Variants in NFYC observed in about 807,000 individuals in gnomAD.
NFYC encodes nuclear transcription factor Y subunit gamma.
Under a neutral mutation model 53.1 loss-of-function variants are expected in NFYC, and 25 were observed. That is an observed-to-expected ratio of 0.47 (90% confidence interval 0.34 to 0.66). The LOEUF (loss-of-function observed/expected upper bound fraction) is 0.66, where lower values mean the gene tolerates loss of function less well. Among genes scored for constraint, NFYC ranks in the 30% least tolerant of loss-of-function variants. NFYC has a pLI of 0.01. For missense variants in NFYC, 260 were observed against 422.7 expected, an observed-to-expected ratio of 0.62 and a Z score of 3.38; for synonymous variants, 145 against 152.6, an observed-to-expected ratio of 0.95 and a Z score of 0.37.
intron 2 of NFYC, among the ~76,000 whole-genome samples, chr1:40,739,418 G>T (rs190022875): frequency 6.6e-6 from 1 of 152,264 alleles, no homozygotes; most frequent in African/African-American, 2.4e-5. Context: ...TTTCTCAACA[G>T]CTGCATTATT....
rs1185897830 is a variant in NFYC, at chr1:40,771,069, T to C, written c.*241T>C. ...GGAATCAATATTTCAATATGTTGAG[T>C]GTGTGTCCAATGCTATGAAATTAAA... On this transcript the variant is annotated 3_prime_UTR_variant, in exon 10 of 10. Coordinates refer to ENST00000447388, the MANE Select transcript of NFYC (RefSeq NM_014223.5). 1 of 576,464 alleles carries C rather than the reference T, an allele frequency of 1.7e-6. No individual in the cohort carries two copies. Among genetic ancestry groups the C allele is most frequent in the Non-Finnish European group, 3.1e-6 (1 of 324,322 alleles). The allele number at this position is 576,464 out of a possible 1,614,324, so 35.7% of individuals were successfully genotyped here.
In NFYC at chr1:40,770,593, C is replaced by T. The variant is rs1647041763; in HGVS notation, c.889-116C>T. The T allele has an allele frequency of 6.2e-7, 1 of 1,613,098 alleles. No individual in the cohort carries two copies. The highest frequency in any genetic ancestry group is 2.2e-5 in the East Asian group (1 of 44,840). Reference sequence around the variant, plus strand: ...TCCACTTCCCCTCCTCCTTCTGACGCCTTGCAGTGGGTGGTGGTTGAGGTA... The same window carrying T: ...TCCACTTCCCCTCCTCCTTCTGACGTCTTGCAGTGGGTGGTGGTTGAGGTA... On this transcript the variant is annotated intron_variant, in intron 9 of 9. Coordinates refer to ENST00000447388, the MANE Select transcript of NFYC (RefSeq NM_014223.5). The surrounding 1 kb of genome is among the most constrained non-coding windows in gnomAD (Gnocchi z 5.3).
At chr1:40,701,872 A>G (rs1335834537) in intron 1 of NFYC, among the ~76,000 whole-genome samples, 5 of 152,234 alleles carry the variant, frequency 3.3e-5, no homozygotes, top group Admixed American at 6.5e-5. Flanking sequence ...ATGGAGTTGA[A>G]TAACTAGCAC....
At chr1:40,717,189 GC>G (rs1365116250) in intron 1 of NFYC, among the ~76,000 whole-genome samples, 1 of 152,160 alleles carries the variant, frequency 6.6e-6, no homozygotes, top group Admixed American at 6.5e-5. Context: ...GAAGACTAGT[GC>G]TACATGTCAA....
At chr1:40,730,461 G>A (rs954055754) in intron 1 of NFYC, 9 of 592,060 alleles carry the variant, frequency 1.5e-5, no homozygotes, top group African/African-American at 1.0e-4. Context: ...GGAGGCCCGA[G>A]GTGGGAATGG....
chr1:40,755,116 C>T (rs552368348), intron 5 of NFYC, among the ~76,000 whole-genome samples: 1 of 152,192 alleles, frequency 6.6e-6, no homozygotes, highest in Non-Finnish European at 1.5e-5. Context: ...TCTCCAAAAC[C>T]CACCCTTTCT....
intron 6 of NFYC, among the ~76,000 whole-genome samples, chr1:40,761,286 G>A (rs1456785365): frequency 6.6e-6 from 1 of 152,198 alleles, no homozygotes; most frequent in African/African-American, 2.4e-5. Context: ...GGATGGTGAA[G>A]TTGGTCCTTC....
At chr1:40,698,370 A>C (rs1290916785) in intron 1 of NFYC, among the ~76,000 whole-genome samples, 1 of 151,956 alleles carries the variant, frequency 6.6e-6, no homozygotes, top group Non-Finnish European at 1.5e-5. Context: ...TTTGAAAAAA[A>C]AAAAAAAATT....
At position 40,691,805 on chromosome 1, in the gene NFYC, G is replaced by T. The variant is rs932808161; in HGVS notation, c.-71G>T. On this transcript the variant is annotated 5_prime_UTR_variant, in exon 1 of 10. Coordinates refer to ENST00000447388, the MANE Select transcript of NFYC (RefSeq NM_014223.5). ...TCCCCTCCGCCGCGCCTGGGCCTCT[G>T]CATTGCCCGACTCCGTAGGAGCGCG... 2.5e-5 allele frequency: 11 copies of T among 447,056 alleles called. No homozygotes were observed. Among genetic ancestry groups the T allele is most frequent in the Non-Finnish European group, 4.5e-5 (10 of 222,624 alleles). 27.7% of individuals were successfully genotyped at this position (447,056 alleles called of 1,614,324 possible).
chr1:40,717,019 G>A (rs1311043302), intron 1 of NFYC, among the ~76,000 whole-genome samples: 1 of 152,156 alleles, frequency 6.6e-6, no homozygotes, highest in East Asian at 1.9e-4. Flanking sequence ...GTTCTGGGTA[G>A]CTTTCTGGTT....
chr1:40,705,240 C>T (rs1643638390), intron 1 of NFYC, among the ~76,000 whole-genome samples: 1 of 152,216 alleles, frequency 6.6e-6, no homozygotes, highest in Non-Finnish European at 1.5e-5. Context: ...CATACTGGCA[C>T]TAATTAGTAA....
rs567403579 is a variant in NFYC at position 40,737,965 on chromosome 1, G to C, written c.-8-871G>C. Among the ~76,000 whole-genome samples, 467 of 148,042 alleles carry C rather than the reference G, an allele frequency of 3.2e-3. 2 individuals are homozygous for C. Among genetic ancestry groups the C allele is most frequent in the African/African-American group, 0.011 (436 of 39,940 alleles). On this transcript the variant is annotated intron_variant, in intron 1 of 9. Coordinates refer to ENST00000447388, the MANE Select transcript of NFYC (RefSeq NM_014223.5). Reference sequence around the variant, plus strand: ...TCGCCCAGGCTGGAGTGCAGTGGCGGGATCTCGGCTCACTGCAAGCTCCGC... The same window carrying C: ...TCGCCCAGGCTGGAGTGCAGTGGCGCGATCTCGGCTCACTGCAAGCTCCGC...
In NFYC at chr1:40,703,753, A is replaced by G. The variant is rs1553150303; in HGVS notation, c.-9+11886A>G. Among the ~76,000 whole-genome samples the G allele has an allele frequency of 3.9e-5, 6 of 152,330 alleles. No homozygotes were observed. In the East Asian group the frequency reaches 5.8e-4, roughly 15 times the overall value. On this transcript the variant is annotated intron_variant, in intron 1 of 9. Coordinates refer to ENST00000447388, the MANE Select transcript of NFYC (RefSeq NM_014223.5). ...TTTGGTAATAGAGGCATGTTAAAAA[A>G]TAGTTATGTGTACCTGCTGTATAAT... is the stretch of plus-strand genomic sequence containing the variant.
At chr1:40,709,036 G>A (rs1643852611) in intron 1 of NFYC, among the ~76,000 whole-genome samples, 1 of 152,160 alleles carries the variant, frequency 6.6e-6, no homozygotes, top group Non-Finnish European at 1.5e-5. Context: ...TTGTTTTTAA[G>A]AACAATTCTA....
rs2148444310 is a variant in NFYC at position 40,708,965 on chromosome 1, A to T, written c.-9+17098A>T. Among the ~76,000 whole-genome samples, 2 of 152,360 alleles carry T rather than the reference A, an allele frequency of 1.3e-5. 1 individual carries two copies. Among genetic ancestry groups the T allele is most frequent in the South Asian group, 4.1e-4 (2 of 4,832 alleles). On this transcript the variant is annotated intron_variant, in intron 1 of 9. Transcript: ENST00000447388. ...GCAGTTAAATTACCTTAAATTTTTT[A>T]AATGGAACTCTGACAGCCAATAAGA...
At position 40,771,029 on chromosome 1, in the gene NFYC, C is replaced by A; in HGVS notation, c.*201C>A. ...CAATATTTTTTGTTTCCTTTTTTTCCATTTTTTTCTCTAAGGAATCAATAT... is the reference window on the plus strand; with the variant it reads ...CAATATTTTTTGTTTCCTTTTTTTCAATTTTTTTCTCTAAGGAATCAATAT... On this transcript the variant is annotated 3_prime_UTR_variant, in exon 10 of 10. Coordinates refer to ENST00000447388, the MANE Select transcript of NFYC (RefSeq NM_014223.5). The A allele has an allele frequency of 3.3e-6, 2 of 600,488 alleles. No homozygotes were observed. Among genetic ancestry groups the A allele is most frequent in the Non-Finnish European group, 5.9e-6 (2 of 341,728 alleles). 37.2% of individuals were successfully genotyped at this position (600,488 alleles called of 1,614,324 possible). A position where few individuals can be genotyped will look rare whatever the true frequency, so the allele number is the denominator to read the frequency against.
intron 1 of NFYC, chr1:40,735,820 A>T: frequency 1.1e-6 from 1 of 899,584 alleles, no homozygotes; most frequent in Non-Finnish European, 1.3e-6. Flanking sequence ...TGCCCCATTT[A>T]AAAAAGGTTA....
At chr1:40,764,845 G>A (rs920106800) in intron 7 of NFYC, among the ~76,000 whole-genome samples, 1 of 152,176 alleles carries the variant, frequency 6.6e-6, no homozygotes, top group African/African-American at 2.4e-5. Flanking sequence ...ATCACCAAAT[G>A]TCTTAACCTA....
chr1:40,742,541 A>G (rs1046466940), intron 2 of NFYC, among the ~76,000 whole-genome samples: 1 of 152,162 alleles, frequency 6.6e-6, no homozygotes, highest in Non-Finnish European at 1.5e-5. Flanking sequence ...AGAGAAAGAA[A>G]AGTAAAGAGG....
Sources: gnomAD v4.1 joint callset for allele counts (sites outside exome capture counted in the v4.1 genomes callset) on GRCh38, gnomAD v4.1.1 for gene constraint, Gnocchi (gnomAD v3.1) non-coding constraint, MANE v1.5 for transcripts, NCBI Gene and HGNC (gene_info 2026-07-23, HGNC 2026-07-21) for gene names.